FASTKD5: variants seen among roughly 807,000 people sequenced by gnomAD.
The protein encoded by FASTKD5 is FAST kinase domains 5.
In FASTKD5, 30 loss-of-function variants were observed where a neutral mutation model predicts 44.0. The ratio of observed to expected loss-of-function variants is 0.68; its 90% CI spans 0.51 to 0.93. FASTKD5 has a LOEUF of 0.93. Ranked by LOEUF, FASTKD5 falls within the 40% of genes least tolerant of loss-of-function variation. The pLI, the probability that FASTKD5 is intolerant of heterozygous loss-of-function variation, is 0.00. For synonymous variants in FASTKD5, 335 were observed against 342.2 expected (o/e 0.98, Z 0.23); for missense variants, 868 against 908.2 (o/e 0.96, Z 0.57).
rs371836196 is a variant in FASTKD5, at chr20:3,147,634, C to T, written c.1437G>A (p.Leu479=). 4 of 1,614,080 alleles carry T rather than the reference C, an allele frequency of 2.5e-6. No homozygotes were observed. The African/African-American group carries it at 5.3e-5, about 22-fold the overall frequency. The change falls in exon 2 of 2, where the codon CTG becomes CTA. Residue 479 remains leucine, a synonymous_variant. Transcript: ENST00000380266. ...CTACTGGAAAGTACTCCAAAAATGC[C>T]AGGCCCAGCAGGCAGGTGGGCAGGT... ...PEHLPTCLLG[L]AFLEYFPVEL...
rs780054379 is a variant in FASTKD5 at position 3,147,685 on chromosome 20, C to G, written c.1386G>C (p.Met462Ile). 1.2e-6 allele frequency: 2 copies of G among 1,614,234 alleles called. No individual in the cohort carries two copies. The highest frequency in any genetic ancestry group is 3.3e-4 in the Middle Eastern group (2 of 6,062). The change falls in exon 2 of 2, where the codon ATG becomes ATC. Residue 462 changes from methionine to isoleucine, a missense_variant. Coordinates refer to ENST00000380266, the MANE Select transcript of FASTKD5 (RefSeq NM_021826.5). ...GTTCTGGGTACTGGTTGAATTCAGG[C>G]ATCTTTCTGTGAATCTCACTTATCA... Reference protein sequence around the residue: ...SSLISEIHRKMPEFNQYPEHL... With the variant: ...SSLISEIHRKIPEFNQYPEHL...
At chr20:3,157,384 G>A (rs534079514) in intron 1 of FASTKD5, among the ~76,000 whole-genome samples, 13 of 152,334 alleles carry the variant, frequency 8.5e-5, no homozygotes, top group African/African-American at 3.1e-4. Context: ...AAATTATTCA[G>A]TCTAGCAATC....
Position 3,157,812 on chromosome 20 carries a change from G to A in FASTKD5, c.-191+1954C>T, listed in dbSNP as rs375214977. ...ATAACTGTTAGCTCAATAAACACTTGGTTTTATCTGCTTTTACAATTTGCA... is the reference window on the plus strand; with the variant it reads ...ATAACTGTTAGCTCAATAAACACTTAGTTTTATCTGCTTTTACAATTTGCA... On this transcript the variant is annotated intron_variant, in intron 1 of 1. Transcript: ENST00000380266. Among the ~76,000 whole-genome samples, 6 of 152,122 alleles carry A rather than the reference G, an allele frequency of 3.9e-5. No homozygotes were observed. In the East Asian group the frequency reaches 7.7e-4, roughly 20 times the overall value.
intron 1 of FASTKD5, among the ~76,000 whole-genome samples, chr20:3,152,332 T>A (rs187767936): frequency 2.5e-4 from 38 of 150,484 alleles, no homozygotes; most frequent in Admixed American, 7.9e-4. Context: ...ATACAAAAAA[T>A]TAGCCAGGCG....
In FASTKD5 at chr20:3,147,013, G is replaced by C. The variant is rs118118489; in HGVS notation, c.2058C>G (p.Pro686=). ...SGAMEMAGLC[P]AACMQTPRMK... ...TTCTTGGGGTCTGCATGCAGGCTGC[G>C]GGGCACAGGCCAGCCATCTCCATGG... Residue 686 remains proline (P), a synonymous_variant, in exon 2 of 2, where the codon CCC becomes CCG. Transcript: ENST00000380266. 4.9e-3 allele frequency: 7,887 copies of C among 1,614,168 alleles called. 33 individuals carry two copies. Among genetic ancestry groups the C allele is most frequent in the Middle Eastern group, 0.013 (76 of 6,060 alleles).
chr20:3,146,705 T>A lies in FASTKD5; in HGVS notation c.*71A>T. The A allele has an allele frequency of 6.6e-7, 1 of 1,508,728 alleles. No homozygotes were observed. The highest frequency in any genetic ancestry group is 8.9e-7 in the Non-Finnish European group (1 of 1,123,882). 93.5% of individuals were successfully genotyped at this position (1,508,728 alleles called of 1,614,324 possible). A position where few individuals can be genotyped will look rare whatever the true frequency, so the allele number is the denominator to read the frequency against. On this transcript the variant is annotated 3_prime_UTR_variant, in exon 2 of 2. Coordinates refer to ENST00000380266, the MANE Select transcript of FASTKD5 (RefSeq NM_021826.5). ...ATCGCCAAACTTACATTCTGGCTTT[T>A]ATAATCATTTTGCAACACCTGGTAC...
rs1212213931 is a variant in FASTKD5, at chr20:3,147,708, T to C, written c.1363A>G (p.Ile455Val). ...GGCATCTTTCTGTGAATCTCACTTA[T>C]CAGGCTGGAGTAAAATTCTTCTGCA... ...PNAEEFYSSL[I>V]SEIHRKMPEF... The change falls in exon 2 of 2, where the codon ATA (isoleucine) becomes GTA (valine). Residue 455 changes from isoleucine to valine, a missense_variant. Coordinates refer to ENST00000380266, the MANE Select transcript of FASTKD5 (RefSeq NM_021826.5). The C allele has an allele frequency of 3.1e-6, 5 of 1,614,246 alleles. No homozygotes were observed. In the East Asian group the frequency reaches 8.9e-5, roughly 29 times the overall value.
At chr20:3,158,810 A>G (rs2066716751) in intron 1 of FASTKD5, among the ~76,000 whole-genome samples, 1 of 152,244 alleles carries the variant, frequency 6.6e-6, no homozygotes, top group African/African-American at 2.4e-5. Flanking sequence ...GTAGCAAACT[A>G]TCCAAGGACT....
intron 1 of FASTKD5, among the ~76,000 whole-genome samples, chr20:3,157,120 C>T (rs1304882060): frequency 1.3e-5 from 2 of 152,062 alleles, no homozygotes; most frequent in African/African-American, 4.8e-5. Flanking sequence ...GCAAAAAAAC[C>T]GAACTTTCTC....
At chr20:3,150,633 A>C (rs1314843037) in intron 1 of FASTKD5, 2 of 152,218 alleles carry the variant, frequency 1.3e-5, no homozygotes, top group Non-Finnish European at 2.9e-5. Flanking sequence ...AAAAGTTCCA[A>C]GGGTGCCAGA....
intron 1 of FASTKD5, among the ~76,000 whole-genome samples, chr20:3,158,731 C>T (rs922941740): frequency 6.6e-6 from 1 of 152,206 alleles, no homozygotes; most frequent in African/African-American, 2.4e-5. Context: ...GCCTTGACCT[C>T]CCAAAGTGCT....
At chr20:3,158,935 C>T (rs1237506705) in intron 1 of FASTKD5, among the ~76,000 whole-genome samples, 1 of 152,228 alleles carries the variant, frequency 6.6e-6, no homozygotes, top group Non-Finnish European at 1.5e-5. Flanking sequence ...CAACAAATGA[C>T]TGGAGCACAA....
At chr20:3,151,979 C>T (rs889192277) in intron 1 of FASTKD5, 2 of 151,066 alleles carry the variant, frequency 1.3e-5, no homozygotes, top group South Asian at 2.1e-4. Context: ...GTGGCATGAG[C>T]GTGTAATCCC....
chr20:3,159,550 A>G (rs1346844558), intron 1 of FASTKD5, among the ~76,000 whole-genome samples: 1 of 152,238 alleles, frequency 6.6e-6, no homozygotes, highest in Admixed American at 6.5e-5. Flanking sequence ...CCCCCTGCCA[A>G]AGATCACAAA....
At position 3,148,679 on chromosome 20, in the gene FASTKD5, T is replaced by C. The variant is rs528088858; in HGVS notation, c.392A>G (p.Asn131Ser). ...LRPEYRVHSY[N>S]ASETSQLLSV... ...CAGGAGCTGAGAAGTCTCAGATGCA[T>C]TATAGCTGTGAACACGGTATTCTGG... The change falls in exon 2 of 2, where the codon AAT becomes AGT. Residue 131 changes from asparagine to serine, a missense_variant. Asn to Ser is a conservative substitution (Grantham distance 46). Transcript: ENST00000380266. The C allele has an allele frequency of 1.4e-5, 22 of 1,614,238 alleles. No homozygotes were observed. The South Asian group carries it at 2.4e-4, about 18-fold the overall frequency.
Position 3,148,249 on chromosome 20 carries a change from C to T in FASTKD5, c.822G>A (p.Lys274=), listed in dbSNP as rs780806586. Residue 274 remains lysine, a synonymous_variant, in exon 2 of 2, where the codon AAG becomes AAA. Transcript: ENST00000380266. Reference sequence around the variant, plus strand: ...GAACTAGCTGAGACAAGGATAGATCCTTCCAGTGCAAATTAAGATAACTAG... The same window carrying T: ...GAACTAGCTGAGACAAGGATAGATCTTTCCAGTGCAAATTAAGATAACTAG... ...IFSSYLNLHW[K]DLSLSQLVHL... 1.9e-6 allele frequency: 3 copies of T among 1,612,916 alleles called. No homozygotes were observed. Among genetic ancestry groups the T allele is most frequent in the Non-Finnish European group, 2.5e-6 (3 of 1,179,802 alleles).
chr20:3,158,022 G>A (rs1231246015), intron 1 of FASTKD5, among the ~76,000 whole-genome samples: 62 of 152,144 alleles, frequency 4.1e-4, no homozygotes, highest in Non-Finnish European at 8.8e-5. Context: ...CCTCCCGGGC[G>A]AGGATCGCTC....
intron 1 of FASTKD5, among the ~76,000 whole-genome samples, chr20:3,150,170 C>G (rs2066610229): frequency 6.6e-6 from 1 of 152,080 alleles, no homozygotes; most frequent in Non-Finnish European, 1.5e-5. Context: ...AAGCTTATAA[C>G]AGAATTTGAG....
chr20:3,146,880 G>C lies in FASTKD5; in HGVS notation c.2191C>G (p.Arg731Gly). The part of the protein sequence containing the change: ...KRRQLARLGY[R>G]VVELSYWEWL... ...TCCCAGTAGGATAACTCTACCACAC[G>C]GTAGCCAAGCCGAGCCAGCTGCCGC... The change falls in exon 2 of 2, where the codon CGT becomes GGT. Residue 731 changes from arginine to glycine, a missense_variant. Transcript: ENST00000380266. 6.2e-7 allele frequency: 1 copy of C among 1,614,180 alleles called. No homozygotes were observed. Among genetic ancestry groups the C allele is most frequent in the South Asian group, 1.1e-5 (1 of 91,082 alleles).
Sources: allele counts gnomAD v4.1 joint callset (sites outside exome capture counted in the v4.1 genomes callset), GRCh38; gene constraint gnomAD v4.1.1; transcripts MANE v1.5; gene names NCBI Gene and HGNC (gene_info 2026-07-23, HGNC 2026-07-21).